Variants in NOX4 observed in about 807,000 individuals in gnomAD.
The protein encoded by NOX4 is NADPH oxidase 4.
Under a neutral mutation model 87.6 loss-of-function variants are expected in NOX4, and 69 were observed. The observed-to-expected ratio is 0.79, with a 90% CI of 0.65 to 0.96. The LOEUF (loss-of-function observed/expected upper bound fraction) is 0.96, where lower values mean the gene tolerates loss of function less well. Among genes scored for constraint, NOX4 ranks in the 40% least tolerant of loss-of-function variants. The probability of loss-of-function intolerance (pLI) is 0.00; values close to 1 mark genes in which losing one functional copy is unlikely to be tolerated. For synonymous variants in NOX4, 275 were observed against 238.2 expected (o/e 1.15, Z -1.42); for missense variants, 680 against 681.5 (o/e 1.00, Z 0.02).
At chr11:89,424,170 T>G (rs879746984) in intron 7 of NOX4, among the ~76,000 whole-genome samples, 1 of 151,974 alleles carries the variant, frequency 6.6e-6, no homozygotes, top group Non-Finnish European at 1.5e-5. Context: ...AACATATATC[T>G]TTTGTCTCCA....
At chr11:89,487,919 T>C (rs966972669) in intron 2 of NOX4, among the ~76,000 whole-genome samples, 2 of 152,182 alleles carry the variant, frequency 1.3e-5, no homozygotes, top group Non-Finnish European at 2.9e-5. Flanking sequence ...AATTAAACAC[T>C]ACTTCATAGA....
the NOX4 span, among the ~76,000 whole-genome samples, chr11:89,544,817 C>T: frequency 2.0e-5 from 3 of 151,866 alleles, no homozygotes; most frequent in African/African-American, 7.3e-5. Context: ...ATTTCAAAGC[C>T]ACATTGCCCT....
chr11:89,413,917 A>G (rs1464551609), intron 8 of NOX4, among the ~76,000 whole-genome samples: 5 of 152,120 alleles, frequency 3.3e-5, no homozygotes. Context: ...TGTATTCATA[A>G]AAATTAAAAA....
At chr11:89,362,695 T>C (rs1017788280) in intron 12 of NOX4, among the ~76,000 whole-genome samples, 38 of 152,006 alleles carry the variant, frequency 2.5e-4, no homozygotes, top group African/African-American at 8.9e-4. Flanking sequence ...CTACCACACA[T>C]GAACATATCT....
At chr11:89,431,910 A>T (rs1392505745) in intron 7 of NOX4, among the ~76,000 whole-genome samples, 1 of 152,196 alleles carries the variant, frequency 6.6e-6, no homozygotes, top group East Asian at 1.9e-4. Context: ...ACGTATGTTT[A>T]TTGCGGCACT....
rs55828721 is a variant in NOX4 at position 89,432,612 on chromosome 11, A to G, written c.548+172T>C. ...CCAATCCAGAAAATTTGCTAATACAAGAGAACTTTCAGAAACAAGAAGTCA... is the reference window on the plus strand; with the variant it reads ...CCAATCCAGAAAATTTGCTAATACAGGAGAACTTTCAGAAACAAGAAGTCA... On this transcript the variant is annotated intron_variant, in intron 7 of 17. Transcript: ENST00000263317. 1.0e-2 allele frequency among the ~76,000 whole-genome samples: 1,519 copies of G among 152,232 alleles called. 24 individuals carry two copies. Among genetic ancestry groups the G allele is most frequent in the Middle Eastern group, 0.051 (15 of 294 alleles).
At chr11:89,377,081 A>C (rs934650504) in intron 11 of NOX4, among the ~76,000 whole-genome samples, 4 of 152,088 alleles carry the variant, frequency 2.6e-5, no homozygotes, top group Admixed American at 2.6e-4. Flanking sequence ...AAATACACGC[A>C]TAAAAAATAA....
chr11:89,456,642 A>T (rs79512697), intron 2 of NOX4, among the ~76,000 whole-genome samples: 3,406 of 152,254 alleles, frequency 0.022, 127 homozygotes, highest in African/African-American at 0.078. Context: ...TGAGCTAAAC[A>T]GGTGAGGAGT....
At chr11:89,393,280 A>G (rs1303596766) in intron 11 of NOX4, among the ~76,000 whole-genome samples, 1 of 152,150 alleles carries the variant, frequency 6.6e-6, no homozygotes, top group Non-Finnish European at 1.5e-5. Context: ...CAATACTGCC[A>G]TGATTGAAAA....
intron 11 of NOX4, among the ~76,000 whole-genome samples, chr11:89,383,355 C>T (rs1425007915): frequency 2.0e-5 from 3 of 152,348 alleles, no homozygotes; most frequent in African/African-American, 7.2e-5. Flanking sequence ...GGAAATCAAA[C>T]TGTCCAACTT....
chr11:89,371,735 C>A (rs1373632261), intron 12 of NOX4, among the ~76,000 whole-genome samples: 1 of 151,444 alleles, frequency 6.6e-6, no homozygotes. Flanking sequence ...TGTGATTATT[C>A]ATATGTTCAT....
the NOX4 span, among the ~76,000 whole-genome samples, chr11:89,522,739 T>C: frequency 2.6e-5 from 4 of 152,220 alleles, no homozygotes; most frequent in Admixed American, 2.6e-4. Context: ...AACTTAATTG[T>C]TTTCAATATA....
intron 13 of NOX4, among the ~76,000 whole-genome samples, chr11:89,352,965 G>A (rs566914819): frequency 2.6e-5 from 4 of 152,158 alleles, no homozygotes; most frequent in Admixed American, 2.0e-4. Context: ...AAATACAGGC[G>A]TGTGCCACCA....
At chr11:89,439,246 A>G (rs914943829) in intron 6 of NOX4, among the ~76,000 whole-genome samples, 7 of 151,254 alleles carry the variant, frequency 4.6e-5, no homozygotes, top group African/African-American at 7.3e-5. Flanking sequence ...ATTCACTGTA[A>G]ACCAAAAAAT....
intron 2 of NOX4, among the ~76,000 whole-genome samples, chr11:89,479,217 A>G (rs1380443467): frequency 6.6e-6 from 1 of 152,178 alleles, no homozygotes; most frequent in African/African-American, 2.4e-5. Flanking sequence ...TGCTAAAGGA[A>G]AAGCACGTAA....
At chr11:89,333,161 A>G (rs1217634321) in intron 17 of NOX4, among the ~76,000 whole-genome samples, 2 of 151,854 alleles carry the variant, frequency 1.3e-5, no homozygotes, top group Admixed American at 1.3e-4. Flanking sequence ...TTAGGGTAGT[A>G]GGAGTCATGT....
intron 7 of NOX4, among the ~76,000 whole-genome samples, chr11:89,422,948 C>T (rs754703875): frequency 1.4e-4 from 21 of 151,838 alleles, no homozygotes; most frequent in Non-Finnish European, 2.6e-4. Flanking sequence ...TACAGGCACT[C>T]GCCACCATGA....
chr11:89,397,012 T>A (rs1440109238), intron 11 of NOX4, among the ~76,000 whole-genome samples: 5 of 152,094 alleles, frequency 3.3e-5, no homozygotes, highest in Admixed American at 6.6e-5. Flanking sequence ...CAACAGCATA[T>A]ACATTCTTCT....
Position 89,402,328 on chromosome 11 carries a change from G to T in NOX4, c.844C>A (p.Gln282Lys). 6.2e-7 allele frequency: 1 copy of T among 1,610,974 alleles called. No individual in the cohort carries two copies. The highest frequency in any genetic ancestry group is 1.1e-5 in the South Asian group (1 of 90,990). ...EEPRFQANFPQTWLWISGPLC... is the reference protein window; with the variant it reads ...EEPRFQANFPKTWLWISGPLC... ...ATCAAACACAAAATTAATCTGACCT[G>T]TGGAAAATTAGCTTGGAATCTGGGC... Residue 282 changes from glutamine (Q) to lysine (K), a missense_variant and splice_region_variant, in exon 9 of 18, where the codon CAG (glutamine) becomes AAG (lysine). By Grantham distance (53) the Gln-to-Lys change is moderately conservative (BLOSUM62 1). Coordinates refer to ENST00000263317, the MANE Select transcript of NOX4 (RefSeq NM_016931.5).
Sources: gnomAD v4.1 joint callset for allele counts (sites outside exome capture counted in the v4.1 genomes callset) on GRCh38, gnomAD v4.1.1 for gene constraint, MANE v1.5 for transcripts, NCBI Gene and HGNC (gene_info 2026-07-23, HGNC 2026-07-21) for gene names.